FBXL17: variants seen among roughly 807,000 people sequenced by gnomAD.
FBXL17 encodes the protein F-box/LRR-repeat protein 17.
A neutral mutation model predicts 66.2 loss-of-function variants in FBXL17; 22 were observed. The observed-to-expected ratio is 0.33, with a 90% CI of 0.24 to 0.47. The LOEUF (loss-of-function observed/expected upper bound fraction) is 0.47, where lower values mean the gene tolerates loss of function less well. Ranked by LOEUF, FBXL17 falls within the 20% of genes least tolerant of loss-of-function variation. The pLI, the probability that FBXL17 is intolerant of heterozygous loss-of-function variation, is 1.00. For missense variants in FBXL17, 878 were observed against 948.2 expected (o/e 0.93, Z 0.97); for synonymous variants, 474 against 400.5 (o/e 1.18, Z -2.19).
At chr5:108,085,668 C>T (rs550269148) in intron 6 of FBXL17, among the ~76,000 whole-genome samples, 1 of 152,284 alleles carries the variant, frequency 6.6e-6, no homozygotes, top group East Asian at 1.9e-4. Context: ...GGTGTGGTGG[C>T]TCATGCCTGT....
chr5:108,197,959 G>A lies in FBXL17; in HGVS notation c.1615-11712C>T, dbSNP rs550978991. On this transcript the variant is annotated intron_variant, in intron 5 of 8. Transcript: ENST00000542267. ...TTTCAGAAATCAGTTTTTCTATCCC[G>A]TGATCAGATACTGTTTCAAAGAGTG... 1.3e-4 allele frequency among the ~76,000 whole-genome samples: 20 copies of A among 152,108 alleles called. No individual in the cohort carries two copies. The South Asian group carries it at 2.1e-3, about 16-fold the overall frequency.
At chr5:108,006,372 G>A (rs1432547866) in intron 7 of FBXL17, among the ~76,000 whole-genome samples, 1 of 152,156 alleles carries the variant, frequency 6.6e-6, no homozygotes, top group African/African-American at 2.4e-5. Flanking sequence ...TATATTTTGA[G>A]GATAGAGTTG....
intron 3 of FBXL17, among the ~76,000 whole-genome samples, chr5:108,363,655 T>C (rs969053358): frequency 6.6e-6 from 1 of 151,964 alleles, no homozygotes; most frequent in Non-Finnish European, 1.5e-5. Context: ...CCTTCTCTAC[T>C]TCAACCATGA....
chr5:108,113,699 AG>A lies in FBXL17; in HGVS notation c.1745+72417del, dbSNP rs1750129990. Among the ~76,000 whole-genome samples, 3 of 152,278 alleles carry A rather than the reference AG, an allele frequency of 2.0e-5. No individual in the cohort carries two copies. In the South Asian group the frequency reaches 6.2e-4, roughly 32 times the overall value. On this transcript the variant is annotated intron_variant, in intron 6 of 8. Transcript: ENST00000542267. ...CCTCACATTAAAAATGTCCAATTTT[AG>A]GTATACCTAAATTGGTAAAATACCT... is the stretch of plus-strand genomic sequence containing the variant.
chr5:107,983,669 T>C (rs1752910012), intron 7 of FBXL17, among the ~76,000 whole-genome samples: 2 of 152,182 alleles, frequency 1.3e-5, no homozygotes, highest in South Asian at 4.1e-4. Context: ...CCCAAAGAAG[T>C]GCTTCTAGTG....
intron 6 of FBXL17, among the ~76,000 whole-genome samples, chr5:108,059,592 G>A (rs984830660): frequency 6.6e-6 from 1 of 152,158 alleles, no homozygotes; most frequent in Non-Finnish European, 1.5e-5. Context: ...CACTGCAGGA[G>A]ACCGCCTCAG....
At chr5:108,154,460 T>A (rs553317652) in intron 6 of FBXL17, among the ~76,000 whole-genome samples, 2 of 150,332 alleles carry the variant, frequency 1.3e-5, no homozygotes, top group African/African-American at 2.4e-5. Context: ...CGTGGTGGTG[T>A]ATGCCTGTAA....
chr5:107,878,611 C>G, intron 8 of FBXL17: 1 of 985,192 alleles, frequency 1.0e-6, no homozygotes, highest in Non-Finnish European at 1.2e-6. Context: ...CTTTGTTACT[C>G]ATATCTTCCT....
At chr5:107,972,977 T>A (rs1239348558) in intron 7 of FBXL17, among the ~76,000 whole-genome samples, 3 of 152,182 alleles carry the variant, frequency 2.0e-5, no homozygotes, top group Non-Finnish European at 2.9e-5. Flanking sequence ...CCCATCTCCA[T>A]CCCTGTTAGT....
intron 6 of FBXL17, among the ~76,000 whole-genome samples, chr5:108,127,301 A>C (rs2149972215): frequency 1.3e-5 from 2 of 152,344 alleles, no homozygotes; most frequent in Middle Eastern, 3.4e-3. Flanking sequence ...GATACTCAAG[A>C]ACTACAATGA....
intron 7 of FBXL17, among the ~76,000 whole-genome samples, chr5:107,945,929 G>A (rs776258653): frequency 2.6e-5 from 4 of 151,846 alleles, no homozygotes; most frequent in Non-Finnish European, 4.4e-5. Flanking sequence ...ACCATTTTTG[G>A]AGGAAGTTGT....
intron 4 of FBXL17, among the ~76,000 whole-genome samples, chr5:108,344,157 T>C (rs1194241072): frequency 2.0e-5 from 3 of 148,218 alleles, no homozygotes; most frequent in African/African-American, 7.4e-5. Context: ...CATCTCCCCT[T>C]AAAATGCTTT....
chr5:108,044,318 T>C (rs1247600888), intron 6 of FBXL17, among the ~76,000 whole-genome samples: 1 of 152,178 alleles, frequency 6.6e-6, no homozygotes, highest in Non-Finnish European at 1.5e-5. Flanking sequence ...TGGCAGTATT[T>C]TTTTGTAGAT....
In FBXL17 at chr5:108,381,524, G is replaced by C; in HGVS notation, c.168C>G (p.Arg56=). 1 of 1,413,082 alleles carries C rather than the reference G, an allele frequency of 7.1e-7. No individual in the cohort carries two copies. Among genetic ancestry groups the C allele is most frequent in the Non-Finnish European group, 9.1e-7 (1 of 1,093,010 alleles). 87.5% of individuals were successfully genotyped at this position (1,413,082 alleles called of 1,614,324 possible). Residue 56 remains arginine (R), a synonymous_variant, in exon 1 of 9, where the codon CGC becomes CGG. Coordinates refer to ENST00000542267, the MANE Select transcript of FBXL17 (RefSeq NM_001163315.3). ...AAPRSRDCFF[R]GPCMLCFIVH... ...CGATGAAGCAGAGCATGCAGGGCCC[G>C]CGGAAGAAGCAGTCCCGGCTCCGGG...
intron 4 of FBXL17, chr5:108,298,812 A>T (rs191570145): frequency 3.5e-6 from 3 of 862,372 alleles, no homozygotes. Flanking sequence ...ACATATTTTC[A>T]AAATAAAACA....
intron 7 of FBXL17, among the ~76,000 whole-genome samples, chr5:107,939,624 C>G (rs567683775): frequency 6.6e-6 from 1 of 152,276 alleles, no homozygotes. Flanking sequence ...TATTTCATGT[C>G]AGAGTACGGA....
chr5:108,114,566 T>C lies in FBXL17; in HGVS notation c.1745+71551A>G, dbSNP rs568265463. ...TGATGGTGTAGGATACTAAGTGACT[T>C]TTATATTCTTATTTGTGGACATTTG... On this transcript the variant is annotated intron_variant, in intron 6 of 8. Coordinates refer to ENST00000542267, the MANE Select transcript of FBXL17 (RefSeq NM_001163315.3). 1.6e-3 allele frequency among the ~76,000 whole-genome samples: 239 copies of C among 152,166 alleles called. 5 individuals are homozygous for C. The highest frequency in any genetic ancestry group is 4.1e-3 in the Admixed American group (63 of 15,276).
intron 4 of FBXL17, among the ~76,000 whole-genome samples, chr5:108,300,428 A>C (rs568979641): frequency 2.0e-5 from 3 of 152,006 alleles, no homozygotes; most frequent in South Asian, 4.2e-4. Flanking sequence ...TTGTTGAACA[A>C]ATGCTTCCAG....
chr5:107,861,603 A>G lies in FBXL17; in HGVS notation c.*117T>C. 2.1e-6 allele frequency: 2 copies of G among 951,100 alleles called. No homozygotes were observed. Among genetic ancestry groups the G allele is most frequent in the Admixed American group, 3.8e-5 (1 of 26,334 alleles). 58.9% of individuals were successfully genotyped at this position (951,100 alleles called of 1,614,324 possible). A position where few individuals can be genotyped will look rare whatever the true frequency, so the allele number is the denominator to read the frequency against. On this transcript the variant is annotated 3_prime_UTR_variant, in exon 9 of 9. Transcript: ENST00000542267. Reference sequence around the variant, plus strand: ...ATGCAAACAAGACACAAATACACATACTTGAACACACACAGACAGGTGACA... The same window carrying G: ...ATGCAAACAAGACACAAATACACATGCTTGAACACACACAGACAGGTGACA...
Sources: gnomAD v4.1 joint callset for allele counts (sites outside exome capture counted in the v4.1 genomes callset) on GRCh38, gnomAD v4.1.1 for gene constraint, MANE v1.5 for transcripts, NCBI Gene and HGNC (gene_info 2026-07-23, HGNC 2026-07-21) for gene names.